The following STK32B variants were observed in gnomAD, a reference collection of about 807,000 sequenced individuals.
The protein encoded by STK32B is serine/threonine kinase 32B.
A neutral mutation model predicts 52.6 loss-of-function variants in STK32B; 43 were observed. That is an observed-to-expected ratio of 0.82 (90% CI 0.64 to 1.05). The LOEUF (loss-of-function observed/expected upper bound fraction) is 1.05, where lower values mean the gene tolerates loss of function less well. Ranked by LOEUF, STK32B falls within the 50% of genes least tolerant of loss-of-function variation. STK32B has a pLI of 0.00. For synonymous variants in STK32B, 238 were observed against 204.3 expected (o/e 1.17, Z -1.41); for missense variants, 621 against 534.6 (o/e 1.16, Z -1.59).
At chr4:5,144,613 C>G (rs1005706639) in intron 2 of STK32B, among the ~76,000 whole-genome samples, 2 of 152,184 alleles carry the variant, frequency 1.3e-5, no homozygotes, top group Admixed American at 1.3e-4. Context: ...TGGCAAGACT[C>G]ATGATCTTGC....
intron 1 of STK32B, among the ~76,000 whole-genome samples, chr4:5,123,264 T>G (rs969721764): frequency 1.2e-4 from 19 of 152,058 alleles, no homozygotes; most frequent in Admixed American, 7.9e-4. Context: ...CTCTCAAGTT[T>G]CCCCCATTTC....
intron 3 of STK32B, among the ~76,000 whole-genome samples, chr4:5,238,981 T>C (rs996969611): frequency 6.6e-6 from 1 of 152,182 alleles, no homozygotes; most frequent in African/African-American, 2.4e-5. Flanking sequence ...TTAGAGAGAT[T>C]TGGGAGGTGT....
chr4:5,274,023 A>C (rs1727630836), intron 3 of STK32B, among the ~76,000 whole-genome samples: 1 of 151,712 alleles, frequency 6.6e-6, no homozygotes. Context: ...CAAAACAAAC[A>C]AAAAAAAGAC....
chr4:5,405,943 C>T (rs1030875628), intron 5 of STK32B, among the ~76,000 whole-genome samples: 10 of 152,132 alleles, frequency 6.6e-5, no homozygotes, highest in African/African-American at 2.4e-4. Flanking sequence ...CAACAGTCCT[C>T]CAAAGTCTTA....
intron 6 of STK32B, among the ~76,000 whole-genome samples, chr4:5,434,773 A>G (rs1574465): frequency 0.04 from 6,077 of 152,236 alleles, 377 homozygotes; most frequent in African/African-American, 0.13. Context: ...CTCTCTAAAC[A>G]TTAGCTTTTC....
chr4:5,436,628 A>G lies in STK32B; in HGVS notation c.563-10045A>G, dbSNP rs570107737. ...AAGGGAAAACAAGCATCAGAACATG[A>G]GCAGCATGTGAGCAAAGCTGAGGAA... On this transcript the variant is annotated intron_variant, in intron 6 of 11. Transcript: ENST00000282908. 1.5e-5 allele frequency: 15 copies of G among 985,406 alleles called. No individual in the cohort carries two copies. In the African/African-American group the frequency reaches 2.3e-4, roughly 15 times the overall value. 61.0% of individuals were successfully genotyped at this position (985,406 alleles called of 1,614,324 possible).
At chr4:5,041,961 A>G in the STK32B span, among the ~76,000 whole-genome samples, 1 of 152,198 alleles carries the variant, frequency 6.6e-6, no homozygotes, top group Non-Finnish European at 1.5e-5. Flanking sequence ...AGACTCTACA[A>G]AATGGCTTGG....
chr4:5,175,562 G>A (rs1008677024), intron 3 of STK32B, among the ~76,000 whole-genome samples: 1 of 152,200 alleles, frequency 6.6e-6, no homozygotes, highest in African/African-American at 2.4e-5. Flanking sequence ...TTTAATGGAG[G>A]TCCACTCCAG....
chr4:5,291,511 C>CTGCA (rs1288676479), intron 3 of STK32B, among the ~76,000 whole-genome samples: 1 of 152,190 alleles, frequency 6.6e-6, no homozygotes, highest in East Asian at 1.9e-4. Flanking sequence ...ATTATGTTTG[C>CTGCA]TGCAGCCTTA....
At chr4:5,484,969 G>A (rs997536801) in intron 11 of STK32B, among the ~76,000 whole-genome samples, 3 of 152,174 alleles carry the variant, frequency 2.0e-5, no homozygotes, top group African/African-American at 4.8e-5. Flanking sequence ...CTGTTAGTCT[G>A]ATGGGCTTCC....
intron 7 of STK32B, 81 bp downstream of exon 7, chr4:5,446,857 G>A: frequency 7.0e-7 from 1 of 1,422,450 alleles, no homozygotes; most frequent in South Asian, 1.2e-5. Flanking sequence ...AGAGTCGGCA[G>A]GGCCCGCGGT....
intron 1 of STK32B, among the ~76,000 whole-genome samples, chr4:5,112,880 A>G (rs1410770921): frequency 1.3e-5 from 2 of 152,196 alleles, no homozygotes; most frequent in Admixed American, 6.5e-5. Flanking sequence ...ATCAAAGTGA[A>G]CAAGATTCAT....
At chr4:5,063,700 A>G (rs1742303619) in intron 1 of STK32B, among the ~76,000 whole-genome samples, 1 of 152,198 alleles carries the variant, frequency 6.6e-6, no homozygotes, top group Non-Finnish European at 1.5e-5. Context: ...GTGTCTTTGA[A>G]ATTGAGTGCA....
chr4:5,055,597 A>G (rs1033924158), intron 1 of STK32B, among the ~76,000 whole-genome samples: 3 of 152,110 alleles, frequency 2.0e-5, no homozygotes, highest in African/African-American at 7.2e-5. Context: ...AAGAAAATAA[A>G]AGCTGAAGTC....
At chr4:5,279,938 A>C (rs1386861929) in intron 3 of STK32B, among the ~76,000 whole-genome samples, 2 of 152,144 alleles carry the variant, frequency 1.3e-5, no homozygotes, top group African/African-American at 2.4e-5. Context: ...GGCCTCACTC[A>C]CAAAACCACA....
At chr4:5,120,781 C>T (rs1455416522) in intron 1 of STK32B, among the ~76,000 whole-genome samples, 4 of 151,486 alleles carry the variant, frequency 2.6e-5, no homozygotes, top group African/African-American at 9.7e-5. Context: ...TTTCTAAGCA[C>T]TTTACATATG....
intron 6 of STK32B, among the ~76,000 whole-genome samples, chr4:5,442,486 G>A (rs982323193): frequency 2.0e-5 from 3 of 150,026 alleles, no homozygotes; most frequent in Admixed American, 6.6e-5. Context: ...TTTATTTTGA[G>A]CCTATGTGTG....
chr4:5,338,658 T>G (rs1331088976), intron 4 of STK32B, among the ~76,000 whole-genome samples: 1 of 152,228 alleles, frequency 6.6e-6, no homozygotes, highest in African/African-American at 2.4e-5. Flanking sequence ...GGAACCATTG[T>G]GTGACAGCAT....
At chr4:5,351,387 G>A (rs1733814130) in intron 4 of STK32B, among the ~76,000 whole-genome samples, 1 of 152,014 alleles carries the variant, frequency 6.6e-6, no homozygotes, top group Non-Finnish European at 1.5e-5. Context: ...AGAAGTTAAG[G>A]AGAAAGTCAA....
Sources: allele counts gnomAD v4.1 joint callset (sites outside exome capture counted in the v4.1 genomes callset), GRCh38; gene constraint gnomAD v4.1.1; transcripts MANE v1.5; gene names NCBI Gene and HGNC (gene_info 2026-07-23, HGNC 2026-07-21).